CNTN5: variants seen among roughly 807,000 people sequenced by gnomAD.
The protein encoded by CNTN5 is contactin 5.
Under a neutral mutation model 129.1 loss-of-function variants are expected in CNTN5, and 77 were observed. The observed-to-expected ratio is 0.60, with a 90% CI of 0.50 to 0.72. The LOEUF is 0.72. CNTN5 is among the 30% of genes least tolerant of loss of function. The probability of loss-of-function intolerance (pLI) is 0.00; values close to 1 mark genes in which losing one functional copy is unlikely to be tolerated. For missense variants in CNTN5, 1,478 were observed against 1,328.8 expected (o/e 1.11, Z -1.75); for synonymous variants, 509 against 465.6 (o/e 1.09, Z -1.20).
intron 9 of CNTN5, among the ~76,000 whole-genome samples, chr11:100,005,810 T>C (rs1171873899): frequency 6.6e-6 from 1 of 152,164 alleles, no homozygotes; most frequent in African/African-American, 2.4e-5. Context: ...TATATAATAA[T>C]GGTTTGAGGG....
intron 2 of CNTN5, among the ~76,000 whole-genome samples, chr11:99,397,009 T>C (rs973077966): frequency 6.6e-6 from 1 of 151,704 alleles, no homozygotes; most frequent in African/African-American, 2.4e-5. Context: ...TCAAAAAGTT[T>C]GACAAATTGC....
chr11:100,049,120 A>C (rs189335469), intron 9 of CNTN5, among the ~76,000 whole-genome samples: 42 of 152,262 alleles, frequency 2.8e-4, no homozygotes, highest in Middle Eastern at 3.4e-3. Context: ...TCCACAAAAA[A>C]AGAGCAAGAA....
intron 1 of CNTN5, among the ~76,000 whole-genome samples, chr11:99,119,010 C>A (rs1347192735): frequency 2.0e-5 from 3 of 151,826 alleles, no homozygotes; most frequent in Admixed American, 6.6e-5. Context: ...TTCTATATAT[C>A]AATGGAAATT....
chr11:99,327,448 G>T (rs1362975621), intron 2 of CNTN5, among the ~76,000 whole-genome samples: 2 of 152,104 alleles, frequency 1.3e-5, no homozygotes, highest in Non-Finnish European at 2.9e-5. Context: ...ATAAATTCAG[G>T]TTTCAAGTTG....
intron 3 of CNTN5, among the ~76,000 whole-genome samples, chr11:99,753,191 C>T (rs554670605): frequency 1.5e-5 from 2 of 133,926 alleles, no homozygotes; most frequent in Admixed American, 8.9e-5. Flanking sequence ...GGCGAGATCT[C>T]GACTCACTGC....
chr11:99,497,682 C>T (rs995293646), intron 2 of CNTN5, among the ~76,000 whole-genome samples: 5 of 152,202 alleles, frequency 3.3e-5, no homozygotes, highest in African/African-American at 1.2e-4. Flanking sequence ...ATAAACTCTG[C>T]TAGATATTCA....
At chr11:99,388,091 T>C (rs915235606) in intron 2 of CNTN5, among the ~76,000 whole-genome samples, 6 of 152,102 alleles carry the variant, frequency 3.9e-5, no homozygotes, top group African/African-American at 1.4e-4. Flanking sequence ...AAACTTTTAT[T>C]CCCTCTGCAG....
intron 1 of CNTN5, among the ~76,000 whole-genome samples, chr11:99,314,334 T>C (rs1865243895): frequency 6.6e-6 from 1 of 152,096 alleles, no homozygotes; most frequent in Non-Finnish European, 1.5e-5. Context: ...TGCAGTTTGA[T>C]AGAAAAAGTA....
chr11:99,957,100 C>A, intron 8 of CNTN5, 91 bp downstream of exon 8: 4 of 1,111,470 alleles, frequency 3.6e-6, no homozygotes, highest in Middle Eastern at 2.2e-4. Context: ...AGACCTGGAA[C>A]TTACAAATAA....
At chr11:100,355,109 C>G (rs1255631940) in intron 24 of CNTN5, among the ~76,000 whole-genome samples, 2 of 151,652 alleles carry the variant, frequency 1.3e-5, no homozygotes, top group South Asian at 4.2e-4. Context: ...AATTTTATCT[C>G]TTTTGTAATA....
intron 9 of CNTN5, among the ~76,000 whole-genome samples, chr11:100,012,680 A>C (rs1940600180): frequency 6.6e-6 from 1 of 152,188 alleles, no homozygotes; most frequent in Non-Finnish European, 1.5e-5. Flanking sequence ...GATGCTAATT[A>C]ATAGTATTCT....
rs531994794 is a variant in CNTN5, at chr11:99,954,618, A to G, written c.674-2188A>G. ...AATGTAATACTAAAAATAATTATAG[A>G]TTTATAGTTTTTTTATGATTACTTT... On this transcript the variant is annotated intron_variant, in intron 7 of 24. Transcript: ENST00000524871. Among the ~76,000 whole-genome samples, 9 of 152,244 alleles carry G rather than the reference A, an allele frequency of 5.9e-5. No individual in the cohort carries two copies. The East Asian group carries it at 1.5e-3, about 26-fold the overall frequency.
At chr11:99,906,859 C>G (rs973734795) in intron 6 of CNTN5, among the ~76,000 whole-genome samples, 1 of 151,898 alleles carries the variant, frequency 6.6e-6, no homozygotes, top group African/African-American at 2.4e-5. Flanking sequence ...TGACTTCTTT[C>G]TTCTTTAGTC....
chr11:99,951,332 C>G (rs965610142), intron 7 of CNTN5, among the ~76,000 whole-genome samples: 1 of 151,746 alleles, frequency 6.6e-6, no homozygotes, highest in East Asian at 1.9e-4. Flanking sequence ...TTTTTCCCAG[C>G]TCTATCTGAT....
At chr11:100,224,568 G>C (rs1338493172) in intron 15 of CNTN5, 124 bp from the exon 16 acceptor site, 1 of 791,394 alleles carries the variant, frequency 1.3e-6, no homozygotes, top group Non-Finnish European at 1.9e-6. Flanking sequence ...TTTCTGAATT[G>C]TTGTTAGATA....
intron 6 of CNTN5, among the ~76,000 whole-genome samples, chr11:99,907,287 T>C (rs996096814): frequency 6.6e-6 from 1 of 151,864 alleles, no homozygotes; most frequent in African/African-American, 2.4e-5. Flanking sequence ...AAATTTGATT[T>C]TTAACATTAG....
intron 2 of CNTN5, among the ~76,000 whole-genome samples, chr11:99,551,319 A>G (rs2135523276): frequency 6.6e-6 from 1 of 152,278 alleles, no homozygotes; most frequent in Admixed American, 6.5e-5. Context: ...AGTGTTTTTA[A>G]AGGGTTTTTT....
At chr11:99,260,194 A>C (rs1334371410) in intron 1 of CNTN5, among the ~76,000 whole-genome samples, 1 of 151,702 alleles carries the variant, frequency 6.6e-6, no homozygotes, top group African/African-American at 2.4e-5. Flanking sequence ...TCTTAACTCT[A>C]TTAATTTATT....
chr11:99,499,951 C>A (rs1446355527), intron 2 of CNTN5, among the ~76,000 whole-genome samples: 2 of 151,992 alleles, frequency 1.3e-5, no homozygotes, highest in African/African-American at 4.8e-5. Context: ...TTTATGACTA[C>A]TATTCTGTAT....
Sources: allele counts gnomAD v4.1 joint callset (sites outside exome capture counted in the v4.1 genomes callset), GRCh38; gene constraint gnomAD v4.1.1; transcripts MANE v1.5; gene names NCBI Gene and HGNC (gene_info 2026-07-23, HGNC 2026-07-21).